Variants in EML6 observed in about 807,000 individuals in gnomAD.
EML6 encodes the protein echinoderm microtubule-associated protein-like 6.
In EML6, 154 loss-of-function variants were observed where a neutral mutation model predicts 240.1. The ratio of observed to expected loss-of-function variants is 0.64; its 90% CI spans 0.56 to 0.73. The LOEUF (loss-of-function observed/expected upper bound fraction) is 0.73, where lower values mean the gene tolerates loss of function less well. EML6 is among the 30% of genes least tolerant of loss of function. The pLI is 0.00. For synonymous variants in EML6, 1,148 were observed against 899.0 expected (o/e 1.28, Z -4.95); for missense variants, 2,964 against 2,474.6 (o/e 1.20, Z -4.20).
intron 36 of EML6, among the ~76,000 whole-genome samples, chr2:54,963,731 AGTG>A (rs1375007004): frequency 6.6e-6 from 1 of 152,262 alleles, no homozygotes; most frequent in Non-Finnish European, 1.5e-5. Context: ...CAGAGTCTAA[AGTG>A]GGTGCTACCT....
intron 38 of EML6, 200 bp from the exon 39 acceptor site, chr2:54,966,800 G>A: frequency 2.4e-6 from 1 of 414,490 alleles, no homozygotes; most frequent in Non-Finnish European, 4.4e-6. Context: ...CGAGAAAATG[G>A]ATGAGAAGAA....
chr2:54,882,595 A>G (rs989213967), intron 17 of EML6: 1 of 152,156 alleles, frequency 6.6e-6, no homozygotes, highest in Non-Finnish European at 1.5e-5. Context: ...GCGGTAGCTC[A>G]CGCCCGTAAT....
chr2:54,955,842 G>T (rs557956461), intron 32 of EML6, among the ~76,000 whole-genome samples: 2 of 152,194 alleles, frequency 1.3e-5, no homozygotes, highest in Admixed American at 1.3e-4. Flanking sequence ...CACCTCTTCC[G>T]GGTTGACCAC....
intron 7 of EML6, among the ~76,000 whole-genome samples, chr2:54,836,038 G>A (rs545714229): frequency 6.6e-6 from 1 of 152,124 alleles, no homozygotes; most frequent in East Asian, 1.9e-4. Context: ...CGCTCTCCCT[G>A]TGTGCCCACC....
rs201169746 is a variant in EML6 at position 54,895,896 on chromosome 2, GA to G, written c.2982+503del. On this transcript the variant is annotated intron_variant, in intron 21 of 41. Coordinates refer to ENST00000356458, the MANE Select transcript of EML6 (RefSeq NM_001039753.4). The stretch of plus-strand genomic sequence containing the variant: ...CTTTCTCAAAGCCAAAAACAGAGGG[GA>G]AAAAAATAGATACTACAATTTTATG... 5.7e-4 allele frequency among the ~76,000 whole-genome samples: 87 copies of G among 152,140 alleles called. No homozygotes were observed. In the East Asian group the frequency reaches 0.015, roughly 27 times the overall value.
chr2:54,964,057 G>A lies in EML6; in HGVS notation c.5229G>A (p.Val1743=), dbSNP rs767605357. 5.8e-6 allele frequency: 9 copies of A among 1,551,770 alleles called. No homozygotes were observed. The highest frequency in any genetic ancestry group is 7.8e-6 in the Non-Finnish European group (9 of 1,147,016). ...CCTACAGCCCTGATGGGGAGATGGT[G>A]GCCATTGGCATGAAGAATGGAGAGT... ...CAAYSPDGEM[V]AIGMKNGEFV... Residue 1743 remains valine, a synonymous_variant, in exon 37 of 42, where the codon GTG becomes GTA. Coordinates refer to ENST00000356458, the MANE Select transcript of EML6 (RefSeq NM_001039753.4).
At chr2:54,909,982 T>C (rs1337235018) in intron 24 of EML6, among the ~76,000 whole-genome samples, 3 of 152,122 alleles carry the variant, frequency 2.0e-5, no homozygotes, top group Non-Finnish European at 4.4e-5. Context: ...GAAAGATATT[T>C]CAAAACTACT....
At chr2:54,941,408 G>A (rs149262428) in intron 28 of EML6, among the ~76,000 whole-genome samples, 69 of 152,248 alleles carry the variant, frequency 4.5e-4, no homozygotes, top group Middle Eastern at 3.4e-3. Flanking sequence ...CAGTGTCAAC[G>A]GCAAATGAGC....
At chr2:54,830,663 C>T (rs1668823535) in intron 7 of EML6, among the ~76,000 whole-genome samples, 1 of 152,198 alleles carries the variant, frequency 6.6e-6, no homozygotes, top group South Asian at 2.1e-4. Flanking sequence ...TGGGAGAAAA[C>T]AGCCTAGACG....
Position 54,916,668 on chromosome 2 carries a change from G to A in EML6, c.3499-91G>A, listed in dbSNP as rs1487982315. ...AACACAAATGCCTAACGTTGGCAAAGTAATTTAGAATTACTCAGGTGCAAA... is the reference window on the plus strand; with the variant it reads ...AACACAAATGCCTAACGTTGGCAAAATAATTTAGAATTACTCAGGTGCAAA... On this transcript the variant is annotated intron_variant, in intron 25 of 41. Transcript: ENST00000356458. The A allele has an allele frequency of 5.6e-6, 6 of 1,067,068 alleles. No homozygotes were observed. The African/African-American group carries it at 7.9e-5, about 14-fold the overall frequency. 66.1% of individuals were successfully genotyped at this position (1,067,068 alleles called of 1,614,324 possible). A position where few individuals can be genotyped will look rare whatever the true frequency, so the allele number is the denominator to read the frequency against.
intron 11 of EML6, among the ~76,000 whole-genome samples, chr2:54,855,542 G>A (rs758846097): frequency 2.0e-5 from 3 of 148,584 alleles, no homozygotes; most frequent in Non-Finnish European, 4.4e-5. Flanking sequence ...TATTACAGAG[G>A]GTGAGTAGTG....
At chr2:54,744,803 G>A (rs115080819) in intron 2 of EML6, among the ~76,000 whole-genome samples, 1 of 152,004 alleles carries the variant, frequency 6.6e-6, no homozygotes, top group Non-Finnish European at 1.5e-5. Flanking sequence ...ATGGACATTA[G>A]AAGTGCACAG....
At chr2:54,959,323 A>T in intron 34 of EML6, 62 bp downstream of exon 34, 1 of 1,438,972 alleles carries the variant, frequency 6.9e-7, no homozygotes, top group Non-Finnish European at 9.2e-7. Context: ...GAAACTGACA[A>T]AAGTGTTCCC....
intron 21 of EML6, among the ~76,000 whole-genome samples, chr2:54,897,269 C>G (rs1045848315): frequency 1.3e-5 from 2 of 152,240 alleles, no homozygotes; most frequent in African/African-American, 4.8e-5. Context: ...ATGTTTTATG[C>G]TTGACCAAGG....
chr2:54,927,865 A>G (rs896848844), intron 26 of EML6, among the ~76,000 whole-genome samples: 26 of 152,246 alleles, frequency 1.7e-4, no homozygotes, highest in African/African-American at 5.3e-4. Flanking sequence ...TCCCAGGTTT[A>G]TAAGATATCC....
chr2:54,814,195 C>T (rs1369225882), intron 3 of EML6, among the ~76,000 whole-genome samples: 1 of 152,212 alleles, frequency 6.6e-6, no homozygotes, highest in East Asian at 1.9e-4. Context: ...TCGAATTGGA[C>T]AAATCTGCAA....
rs576194561 is a variant in EML6, at chr2:54,898,592, A to G, written c.2983-1049A>G. ...ATGTCAGTTGTATTTGGAACTTTAC[A>G]TCTTCTGCCAAATTACTGTTTTGCT... On this transcript the variant is annotated intron_variant, in intron 21 of 41. Coordinates refer to ENST00000356458, the MANE Select transcript of EML6 (RefSeq NM_001039753.4). Among the ~76,000 whole-genome samples the G allele has an allele frequency of 1.3e-4, 20 of 152,306 alleles. No homozygotes were observed. In the South Asian group the frequency reaches 2.1e-3, roughly 16 times the overall value.
rs546264530 is a variant in EML6, at chr2:54,931,487, C to T, written c.4004+2736C>T. On this transcript the variant is annotated intron_variant, in intron 28 of 41. Coordinates refer to ENST00000356458, the MANE Select transcript of EML6 (RefSeq NM_001039753.4). ...TGGTGACATCAGGACCACATGAAGCCAGGCAGCAGTGGCCAGCTTCTCCCT... is the reference window on the plus strand; with the variant it reads ...TGGTGACATCAGGACCACATGAAGCTAGGCAGCAGTGGCCAGCTTCTCCCT... Among the ~76,000 whole-genome samples the T allele has an allele frequency of 1.8e-4, 27 of 152,256 alleles. No individual in the cohort carries two copies. In the South Asian group the frequency reaches 5.2e-3, roughly 29 times the overall value.
intron 41 of EML6, 131 bp from the exon 42 acceptor site, chr2:54,969,940 C>T (rs1329131380): frequency 2.2e-6 from 2 of 923,084 alleles, no homozygotes; most frequent in African/African-American, 3.3e-5. Context: ...CCCTGGTTTA[C>T]CTTTTGAAGT....
Sources: allele counts gnomAD v4.1 joint callset (sites outside exome capture counted in the v4.1 genomes callset), GRCh38; gene constraint gnomAD v4.1.1; transcripts MANE v1.5; gene names NCBI Gene and HGNC (gene_info 2026-07-23, HGNC 2026-07-21).